The following DNAH3 variants were observed in gnomAD, a reference collection of about 807,000 sequenced individuals.
DNAH3 encodes dynein axonemal heavy chain 3.
Under a neutral mutation model 432.5 loss-of-function variants are expected in DNAH3, and 332 were observed. That is an observed-to-expected ratio of 0.77 (90% CI 0.70 to 0.84). The LOEUF (loss-of-function observed/expected upper bound fraction) is 0.84, where lower values mean the gene tolerates loss of function less well. Among genes scored for constraint, DNAH3 ranks in the 40% least tolerant of loss-of-function variants. The pLI is 0.00. For missense variants in DNAH3, 4,861 were observed against 5,114.0 expected, an observed-to-expected ratio of 0.95 and a Z score of 1.51; for synonymous variants, 1,956 against 1,900.2, an observed-to-expected ratio of 1.03 and a Z score of -0.76.
chr16:21,036,484 A>G (rs1262451232), intron 35 of DNAH3, among the ~76,000 whole-genome samples: 2 of 151,942 alleles, frequency 1.3e-5, no homozygotes, highest in African/African-American at 4.8e-5. Flanking sequence ...GTATGATCAT[A>G]GCCCACTGCA....
At chr16:21,082,520 TG>T (rs1251099184) in intron 19 of DNAH3, among the ~76,000 whole-genome samples, 1 of 152,080 alleles carries the variant, frequency 6.6e-6, no homozygotes, top group African/African-American at 2.4e-5. Flanking sequence ...CTTTGTAAAA[TG>T]TGGCTACTAG....
chr16:20,976,734 C>A (rs1410887972), intron 50 of DNAH3, among the ~76,000 whole-genome samples: 1 of 152,074 alleles, frequency 6.6e-6, no homozygotes, highest in Non-Finnish European at 1.5e-5. Flanking sequence ...GGGGTAAATG[C>A]CCTTATATAA....
At position 21,086,905 on chromosome 16, in the gene DNAH3, T is replaced by C; in HGVS notation, c.2821A>G (p.Ile941Val). 1 of 1,614,218 alleles carries C rather than the reference T, an allele frequency of 6.2e-7. No homozygotes were observed. The highest frequency in any genetic ancestry group is 8.5e-7 in the Non-Finnish European group (1 of 1,180,018). The change falls in exon 19 of 62, where the codon ATT (isoleucine) becomes GTT (valine). Residue 941 changes from isoleucine to valine, a missense_variant. Physicochemically the swap from Ile to Val is conservative, Grantham distance 29. Coordinates refer to ENST00000261383, the Ensembl canonical transcript of DNAH3. ...TTGCAGGAAATACTGAGGATGGGAA[T>C]GTACTGCTTGAACTTATCGATCTTG...
chr16:21,121,916 G>A (rs750938974), intron 10 of DNAH3, 29 bp downstream of exon 11: 2 of 1,550,328 alleles, frequency 1.3e-6, no homozygotes, highest in Admixed American at 3.9e-5. Flanking sequence ...AAAAAATCAT[G>A]CAAATGAATG....
At chr16:21,152,508 C>T (rs930448487) in intron 1 of DNAH3, among the ~76,000 whole-genome samples, 2 of 152,258 alleles carry the variant, frequency 1.3e-5, no homozygotes, top group African/African-American at 4.8e-5. Context: ...ACTTGAGGAG[C>T]CCTTCAGCCC....
chr16:20,981,679 C>T (rs2085904679), intron 49 of DNAH3, among the ~76,000 whole-genome samples: 1 of 151,768 alleles, frequency 6.6e-6, no homozygotes, highest in Admixed American at 6.6e-5. Context: ...GAGCCGAGAT[C>T]GCACCACTGC....
chr16:21,067,294 T>C (rs2090587942), exon 24 of DNAH3: 1 of 1,613,694 alleles, frequency 6.2e-7, no homozygotes, highest in African/African-American at 1.3e-5. Context: ...TGGGGAAGAA[T>C]AGTCTCTTCT....
At chr16:21,116,115 C>T (rs2092193924) in intron 12 of DNAH3, among the ~76,000 whole-genome samples, 2 of 152,310 alleles carry the variant, frequency 1.3e-5, no homozygotes, top group South Asian at 2.1e-4. Context: ...GACCATATCT[C>T]TTGGTTTGCC....
chr16:21,057,020 A>C lies in DNAH3; in HGVS notation c.3924+1066T>G, dbSNP rs374521443. Among the ~76,000 whole-genome samples, 14 of 152,350 alleles carry C rather than the reference A, an allele frequency of 9.2e-5. No homozygotes were observed. In the South Asian group the frequency reaches 2.9e-3, roughly 32 times the overall value. On this transcript the variant is annotated intron_variant, in intron 27 of 61. Transcript: ENST00000261383. ...ATATAGGAAATTAAAACATATTCTAATCCACAGCCAATCCTCTAAGAGGAG... is the reference window on the plus strand; with the variant it reads ...ATATAGGAAATTAAAACATATTCTACTCCACAGCCAATCCTCTAAGAGGAG...
chr16:20,954,972 C>G, exon 55 of DNAH3: 1 of 1,614,162 alleles, frequency 6.2e-7, no homozygotes, highest in Non-Finnish European at 8.5e-7. Context: ...GCCCGGAGCC[C>G]TTTGGGGGGC....
At chr16:20,981,955 CATAT>C (rs2085919998) in intron 49 of DNAH3, among the ~76,000 whole-genome samples, 3 of 147,450 alleles carry the variant, frequency 2.0e-5, no homozygotes. Context: ...GTATAAAGCA[CATAT>C]ATTATATATA....
In DNAH3 at chr16:21,003,310, G is replaced by GT. The variant is rs1177122194; in HGVS notation, c.6023-104dup. Reference sequence around the variant, plus strand: ...CTCAGTTATCAGCATATGAAAATGTGTAACTACCAGTACTGGCATAGTTGT... The same window carrying GT: ...CTCAGTTATCAGCATATGAAAATGTGTTAACTACCAGTACTGGCATAGTTGT... On this transcript the variant is annotated intron_variant, in intron 41 of 61. Coordinates refer to ENST00000261383, the Ensembl canonical transcript of DNAH3. 10 of 704,886 alleles carry GT rather than the reference G, an allele frequency of 1.4e-5. No individual in the cohort carries two copies. The East Asian group carries it at 2.0e-4, about 14-fold the overall frequency. The allele number at this position is 704,886 out of a possible 1,614,324, so 43.7% of individuals were successfully genotyped here.
chr16:21,098,863 A>G, intron 16 of DNAH3, 94 bp from the exon 17 acceptor site: 2 of 1,317,520 alleles, frequency 1.5e-6, no homozygotes. Context: ...GCCTGCAGAC[A>G]ATTTGATCAG....
At chr16:20,997,209 C>G in intron 44 of DNAH3, 74 bp downstream of exon 44, 1 of 1,495,198 alleles carries the variant, frequency 6.7e-7, no homozygotes, top group East Asian at 2.3e-5. Context: ...GGCACACCAA[C>G]CCACCTTTCA....
intron 1 of DNAH3, among the ~76,000 whole-genome samples, chr16:21,153,957 C>T (rs900199766): frequency 7.2e-5 from 11 of 152,134 alleles, no homozygotes; most frequent in Admixed American, 5.2e-4. Flanking sequence ...ACAAAGTATA[C>T]ATACGGTTTC....
chr16:21,019,563 G>A lies in DNAH3; in HGVS notation c.6022+61C>T, dbSNP rs796967712. ...GCTCACCTGTCTGCACATTCTGGTT[G>A]TGTTTAGAACACGTAATTCCAACTA... On this transcript the variant is annotated intron_variant, in intron 41 of 61. Coordinates refer to ENST00000261383, the Ensembl canonical transcript of DNAH3. 3.8e-5 allele frequency: 60 copies of A among 1,585,182 alleles called. 1 individual carries two copies. The South Asian group carries it at 6.0e-4, about 16-fold the overall frequency.
At chr16:20,987,906 C>T (rs763554638) in intron 45 of DNAH3, 36 bp downstream of exon 45, 1 of 1,614,082 alleles carries the variant, frequency 6.2e-7, no homozygotes, top group East Asian at 2.2e-5. Flanking sequence ...TGAGAACCCC[C>T]AGCCCACTAT....
At chr16:21,130,303 CTT>C (rs59707842) in intron 7 of DNAH3, among the ~76,000 whole-genome samples, 101 of 133,392 alleles carry the variant, frequency 7.6e-4, no homozygotes, top group East Asian at 4.6e-3. Flanking sequence ...AAGCCCTCCA[CTT>C]TTTTTTTTTT....
At position 20,982,839 on chromosome 16, in the gene DNAH3, G is replaced by A. The variant is rs145048646; in HGVS notation, c.7741C>T (p.Pro2581Ser). The A allele has an allele frequency of 3.2e-5, 51 of 1,614,160 alleles. No homozygotes were observed. Among genetic ancestry groups the A allele is most frequent in the Non-Finnish European group, 4.2e-5 (50 of 1,180,034 alleles). The change falls in exon 49 of 62, where the codon CCT (proline) becomes TCT (serine). Residue 2581 changes from proline (P) to serine (S), a missense_variant. Physicochemically the swap from Pro to Ser is moderately conservative, Grantham distance 74. Coordinates refer to ENST00000261383, the Ensembl canonical transcript of DNAH3. ...ATCGTACAGCAATTGATCAGCGAAG[G>A]GAACATCCGCAGGCGGTTCCTGAAG...
Sources: allele counts gnomAD v4.1 joint callset (sites outside exome capture counted in the v4.1 genomes callset), GRCh38; gene constraint gnomAD v4.1.1; transcripts MANE v1.5; gene names NCBI Gene and HGNC (gene_info 2026-07-23, HGNC 2026-07-21).